The following ACER1 variants were observed in gnomAD, a reference collection of about 807,000 sequenced individuals.
The protein encoded by ACER1 is alkaline ceramidase 1.
ACER1 carries 28 observed loss-of-function variants against 24.9 expected under a neutral mutation model. That is an observed-to-expected ratio of 1.13 (90% CI 0.83 to 1.54). The LOEUF (loss-of-function observed/expected upper bound fraction) is 1.54, where lower values mean the gene tolerates loss of function less well. Among genes scored for constraint, ACER1 ranks in the 40% most tolerant of loss-of-function variants. The pLI, the probability that ACER1 is intolerant of heterozygous loss-of-function variation, is 0.00. For missense variants in ACER1, 352 were observed against 349.3 expected (o/e 1.01, Z -0.06); for synonymous variants, 132 against 131.4 (o/e 1.00, Z -0.03).
rs551103237 is a variant in ACER1 at position 6,328,705 on chromosome 19, C to T, written c.93+4754G>A. On this transcript the variant is annotated intron_variant, in intron 1 of 5. Transcript: ENST00000301452. ...TTTTTTAGACAGAGTCTCACTCTTTCGCACAGGCTGGAGTGCAGTGGCACC... is the reference window on the plus strand; with the variant it reads ...TTTTTTAGACAGAGTCTCACTCTTTTGCACAGGCTGGAGTGCAGTGGCACC... Among the ~76,000 whole-genome samples, 57 of 151,896 alleles carry T rather than the reference C, an allele frequency of 3.8e-4. 1 individual carries two copies. Among genetic ancestry groups the T allele is most frequent in the Admixed American group, 3.6e-3 (55 of 15,188 alleles).
the ACER1 span, among the ~76,000 whole-genome samples, chr19:6,352,107 C>T: frequency 6.6e-6 from 1 of 151,834 alleles, no homozygotes; most frequent in African/African-American, 2.4e-5. Context: ...TCTTACAAGG[C>T]ATTTATTTGC....
chr19:6,357,030 T>A, the ACER1 span, among the ~76,000 whole-genome samples: 2 of 150,758 alleles, frequency 1.3e-5, no homozygotes, highest in African/African-American at 4.9e-5. Context: ...AGGGATGACA[T>A]CTGAGCTGAG....
the ACER1 span, among the ~76,000 whole-genome samples, chr19:6,343,027 T>C: frequency 6.6e-6 from 1 of 152,264 alleles, no homozygotes; most frequent in South Asian, 2.1e-4. Flanking sequence ...TCCGCCCACC[T>C]TGGCCTCCCA....
At chr19:6,322,239 A>G (rs2091634476) in intron 1 of ACER1, among the ~76,000 whole-genome samples, 2 of 152,230 alleles carry the variant, frequency 1.3e-5, no homozygotes, top group Admixed American at 6.5e-5. Context: ...TTGTAATTGC[A>G]ATAAAAAATG....
chr19:6,328,732 T>A (rs1228946057), intron 1 of ACER1, among the ~76,000 whole-genome samples: 1 of 150,632 alleles, frequency 6.6e-6, no homozygotes, highest in African/African-American at 2.4e-5. Flanking sequence ...AGTGGCACCA[T>A]CTCCACTCAC....
At chr19:6,318,703 G>A (rs576563385) in intron 1 of ACER1, among the ~76,000 whole-genome samples, 4 of 150,036 alleles carry the variant, frequency 2.7e-5, no homozygotes, top group African/African-American at 7.3e-5. Flanking sequence ...GAAGAATGGC[G>A]TGAACCCGGG....
chr19:6,309,828 C>G lies in ACER1; in HGVS notation c.357G>C (p.Gln119His). 1 of 1,613,986 alleles carries G rather than the reference C, an allele frequency of 6.2e-7. No individual in the cohort carries two copies. The highest frequency in any genetic ancestry group is 2.2e-5 in the East Asian group (1 of 44,870). The change falls in exon 4 of 6, where the codon CAG (glutamine) becomes CAC (histidine). Residue 119 changes from glutamine to histidine, a missense_variant. Physicochemically the swap from Gln to His is conservative, Grantham distance 24. Transcript: ENST00000301452. Reference sequence around the variant, plus strand: ...TGGTGATGAAGACCAGGCGGATGAACTGGGACCTGGGGAGGAAGGGGCTCA... The same window carrying G: ...TGGTGATGAAGACCAGGCGGATGAAGTGGGACCTGGGGAGGAAGGGGCTCA... ...FPSFLGGNRS[Q>H]FIRLVFITTV...
the ACER1 span, among the ~76,000 whole-genome samples, chr19:6,357,772 A>C: frequency 6.6e-6 from 1 of 152,064 alleles, no homozygotes; most frequent in East Asian, 1.9e-4. Context: ...CAAAAAAAAA[A>C]AAAAATTAGC....
At position 6,333,487 on chromosome 19, in the gene ACER1, G is replaced by C. The variant is rs149195870; in HGVS notation, c.65C>G (p.Ser22Trp). 6.3e-6 allele frequency: 10 copies of C among 1,592,170 alleles called. No homozygotes were observed. In the Admixed American group the frequency reaches 1.8e-4, roughly 28 times the overall value. ...GTTGTAGAACTCGGCCACCAGCTCC[G>C]AGTACTGGAAGTTGCTCTCACACCA... ...VDWCESNFQY[S>W]ELVAEFYNTF... Residue 22 changes from serine (S) to tryptophan (W), a missense_variant, in exon 1 of 6, where the codon TCG (serine) becomes TGG (tryptophan). Ser to Trp is a radical substitution (Grantham distance 177, BLOSUM62 -3). Coordinates refer to ENST00000301452, the MANE Select transcript of ACER1 (RefSeq NM_133492.3).
chr19:6,331,153 CTT>C (rs560393300), intron 1 of ACER1, among the ~76,000 whole-genome samples: 8 of 134,782 alleles, frequency 5.9e-5, no homozygotes, highest in East Asian at 2.1e-4. Context: ...ACAGCAAGCA[CTT>C]TTTTTTTTTT....
chr19:6,324,780 AAGAG>A (rs199565479), intron 1 of ACER1, among the ~76,000 whole-genome samples: 1,647 of 150,472 alleles, frequency 0.011, 38 homozygotes, highest in African/African-American at 0.039. Context: ...AAGAAAGAGA[AAGAG>A]AGAGAAGAGA....
chr19:6,329,404 A>AGAATAGAATG (rs2091677346), intron 1 of ACER1, among the ~76,000 whole-genome samples: 1 of 152,028 alleles, frequency 6.6e-6, no homozygotes, highest in African/African-American at 2.4e-5. Flanking sequence ...AGAATAGAAT[A>AGAATAGAATG]GAATAGATCC....
intron 1 of ACER1, among the ~76,000 whole-genome samples, chr19:6,313,114 C>T (rs2091589682): frequency 6.6e-6 from 1 of 151,952 alleles, no homozygotes; most frequent in South Asian, 2.1e-4. Flanking sequence ...TTCTCTTTTA[C>T]TTTTTCTATT....
rs778026360 is a variant in ACER1 at position 6,312,170 on chromosome 19, G to A, written c.329C>T (p.Pro110Leu). The A allele has an allele frequency of 6.2e-7, 1 of 1,614,044 alleles. No individual in the cohort carries two copies. Among genetic ancestry groups the A allele is most frequent in the South Asian group, 1.1e-5 (1 of 91,066 alleles). ...YSIWMPRCYF[P>L]SFLGGNRSQF... ...CCACCTGTTCCCCCCAAGGAAGGAG[G>A]GGAAATAGCAGCGGGGCATCCATAT... The change falls in exon 3 of 6, where the codon CCC becomes CTC. Residue 110 changes from proline to leucine, a missense_variant. Coordinates refer to ENST00000301452, the MANE Select transcript of ACER1 (RefSeq NM_133492.3).
At chr19:6,355,121 A>G in the ACER1 span, among the ~76,000 whole-genome samples, 22 of 152,152 alleles carry the variant, frequency 1.4e-4, no homozygotes, top group African/African-American at 5.1e-4. Context: ...TGGTTCACTC[A>G]GTGCTCAATG....
chr19:6,358,623 T>C, the ACER1 span, among the ~76,000 whole-genome samples: 1 of 109,704 alleles, frequency 9.1e-6, no homozygotes, highest in Non-Finnish European at 1.8e-5. Context: ...CGAGACTCCA[T>C]CTCAAAAAAA....
chr19:6,340,343 GGAAGGAAGGAAGGAAGGAAGGAAGGAA>G, the ACER1 span, among the ~76,000 whole-genome samples: 7 of 143,198 alleles, frequency 4.9e-5, no homozygotes, highest in African/African-American at 1.6e-4. Flanking sequence ...AAGGAAGGAA[GGAAGGAAGGAAGGAAGGAAGGAAGGAA>G]GGAAGAAAAA....
chr19:6,333,405 A>C, intron 1 of ACER1, 54 bp downstream of exon 1: 9 of 1,415,472 alleles, frequency 6.4e-6, no homozygotes, highest in African/African-American at 1.4e-5. Flanking sequence ...ATGGGGAGGA[A>C]CCGGGATTCG....
Position 6,333,532 on chromosome 19 carries a change from T to C in ACER1, c.20A>G (p.Tyr7Cys), listed in dbSNP as rs1286417301. The C allele has an allele frequency of 6.3e-6, 10 of 1,586,206 alleles. No individual in the cohort carries two copies. The highest frequency in any genetic ancestry group is 2.7e-5 in the African/African-American group (2 of 74,474). The change falls in exon 1 of 6, where the codon TAT (tyrosine) becomes TGT (cysteine). Residue 7 changes from tyrosine to cysteine, a missense_variant. Physicochemically the swap from Tyr to Cys is radical, Grantham distance 194 (BLOSUM62 -2). Transcript: ENST00000301452. MPSIFA[Y>C]QSSEVDWCES... ...ACACCAGTCCACCTCGGAGCTCTGA[T>C]AGGCGAAGATGCTAGGCATCTTGTC...
Sources: allele counts gnomAD v4.1 joint callset (sites outside exome capture counted in the v4.1 genomes callset), GRCh38; gene constraint gnomAD v4.1.1; transcripts MANE v1.5; gene names NCBI Gene and HGNC (gene_info 2026-07-23, HGNC 2026-07-21).